PLCB1: variants seen among roughly 807,000 people sequenced by gnomAD.
The protein encoded by PLCB1 is 1-phosphatidylinositol 4,5-bisphosphate phosphodiesterase beta-1.
A neutral mutation model predicts 161.8 loss-of-function variants in PLCB1; 46 were observed. The observed-to-expected ratio is 0.28, with a 90% CI of 0.22 to 0.36. The LOEUF (loss-of-function observed/expected upper bound fraction) is 0.36, where lower values mean the gene tolerates loss of function less well. Among genes scored for constraint, PLCB1 ranks in the 10% least tolerant of loss-of-function variants. The pLI, the probability that PLCB1 is intolerant of heterozygous loss-of-function variation, is 1.00. For missense variants in PLCB1, 1,016 were observed against 1,472.5 expected, an observed-to-expected ratio of 0.69 and a Z score of 5.07; for synonymous variants, 517 against 503.7, an observed-to-expected ratio of 1.03 and a Z score of -0.35.
intron 3 of PLCB1, among the ~76,000 whole-genome samples, chr20:8,404,286 T>C (rs958084228): frequency 9.9e-5 from 15 of 152,250 alleles, no homozygotes; most frequent in African/African-American, 3.6e-4. Flanking sequence ...CAAAGCCATT[T>C]TTCCTCAGTT....
chr20:8,648,951 A>AAAG (rs1172270784), intron 6 of PLCB1, among the ~76,000 whole-genome samples: 2 of 150,876 alleles, frequency 1.3e-5, no homozygotes, highest in South Asian at 2.1e-4. Context: ...TAAAAAAAAA[A>AAAG]AAAGAAAGAA....
At chr20:8,387,984 A>T (rs997490315) in intron 3 of PLCB1, among the ~76,000 whole-genome samples, 3 of 151,066 alleles carry the variant, frequency 2.0e-5, no homozygotes, top group African/African-American at 7.3e-5. Context: ...TTTTAAAAAA[A>T]AAAAAAAAAA....
Position 8,883,868 on chromosome 20 carries a change from G to A in PLCB1, c.*2019G>A, listed in dbSNP as rs1009626644. ...TACTTTTGCACTTTGAAAGAAAGGC[G>A]TTAATCATAAAGAAGCAAGAATGGT... On this transcript the variant is annotated 3_prime_UTR_variant, in exon 32 of 32. Transcript: ENST00000338037. The A allele has an allele frequency of 2.6e-5, 4 of 152,432 alleles. No homozygotes were observed. Among genetic ancestry groups the A allele is most frequent in the South Asian group, 2.1e-4 (1 of 4,818 alleles). 9.4% of individuals were successfully genotyped at this position (152,432 alleles called of 1,614,324 possible). A position where few individuals can be genotyped will look rare whatever the true frequency, so the allele number is the denominator to read the frequency against.
At chr20:8,437,782 A>G (rs536501291) in intron 3 of PLCB1, among the ~76,000 whole-genome samples, 1 of 152,346 alleles carries the variant, frequency 6.6e-6, no homozygotes, top group Non-Finnish European at 1.5e-5. Flanking sequence ...CAAGACAGTG[A>G]GCAAGGAAGT....
At position 8,186,277 on chromosome 20, in the gene PLCB1, A is replaced by C. The variant is rs138981291; in HGVS notation, c.177+35906A>C. Among the ~76,000 whole-genome samples, 188 of 152,300 alleles carry C rather than the reference A, an allele frequency of 1.2e-3. 2 individuals are homozygous for C. The East Asian group carries it at 0.021, about 17-fold the overall frequency. On this transcript the variant is annotated intron_variant, in intron 2 of 31. Transcript: ENST00000338037. ...TTACATCTGGAGAGATATAATTCAA[A>C]ATTTTCTCTATGTGATTATTTATAC...
At chr20:8,555,671 G>T (rs552865781) in intron 3 of PLCB1, among the ~76,000 whole-genome samples, 1 of 152,070 alleles carries the variant, frequency 6.6e-6, no homozygotes, top group Non-Finnish European at 1.5e-5. Context: ...TTGTGTTAAT[G>T]ATAAGGTAAA....
chr20:8,397,807 T>C (rs922215355), intron 3 of PLCB1, among the ~76,000 whole-genome samples: 84 of 152,182 alleles, frequency 5.5e-4, no homozygotes, highest in African/African-American at 1.9e-3. Context: ...CATTCTTTTG[T>C]ACAGCTGCAT....
chr20:8,330,867 T>C (rs559946263), intron 2 of PLCB1, among the ~76,000 whole-genome samples: 1 of 152,294 alleles, frequency 6.6e-6, no homozygotes, highest in East Asian at 1.9e-4. Context: ...CAATGAACTA[T>C]GAAGGAGGGA....
At chr20:8,757,865 G>A (rs200604703) in intron 24 of PLCB1, among the ~76,000 whole-genome samples, 1 of 148,752 alleles carries the variant, frequency 6.7e-6, no homozygotes, top group African/African-American at 2.5e-5. Flanking sequence ...ATGAATAAAT[G>A]AATAAATAAA....
At chr20:8,468,566 C>G (rs1297570955) in intron 3 of PLCB1, among the ~76,000 whole-genome samples, 1 of 152,160 alleles carries the variant, frequency 6.6e-6, no homozygotes, top group Non-Finnish European at 1.5e-5. Context: ...ATACCTGCCA[C>G]AATACATGCA....
chr20:8,758,378 C>A (rs6118308), intron 24 of PLCB1, among the ~76,000 whole-genome samples: 39,954 of 151,872 alleles, frequency 0.26, 5,598 homozygotes, highest in Non-Finnish European at 0.32. Flanking sequence ...GTCAGCAGTT[C>A]AGGACCAACC....
chr20:8,236,438 C>T (rs558347047), intron 2 of PLCB1, among the ~76,000 whole-genome samples: 226 of 151,978 alleles, frequency 1.5e-3, no homozygotes, highest in African/African-American at 5.4e-3. Context: ...GAGGCTAAGG[C>T]GGGAGGATCG....
At chr20:8,410,377 TA>T (rs1978989694) in intron 3 of PLCB1, among the ~76,000 whole-genome samples, 1 of 152,206 alleles carries the variant, frequency 6.6e-6, no homozygotes, top group South Asian at 2.1e-4. Flanking sequence ...ACATTCCTAT[TA>T]AGAGTACAAG....
chr20:8,436,470 A>G (rs1980316272), intron 3 of PLCB1, among the ~76,000 whole-genome samples: 1 of 150,042 alleles, frequency 6.7e-6, no homozygotes, highest in Non-Finnish European at 1.5e-5. Context: ...CTTCAGGTTT[A>G]TCCTTTTATG....
At chr20:8,432,698 A>G (rs1234796250) in intron 3 of PLCB1, among the ~76,000 whole-genome samples, 1 of 152,134 alleles carries the variant, frequency 6.6e-6, no homozygotes, top group Non-Finnish European at 1.5e-5. Flanking sequence ...TTTCTTCAGG[A>G]TCAAAGCGAC....
chr20:8,164,288 T>G (rs1218577601), intron 2 of PLCB1, among the ~76,000 whole-genome samples: 1 of 152,166 alleles, frequency 6.6e-6, no homozygotes, highest in Non-Finnish European at 1.5e-5. Context: ...CTTGGTTGAA[T>G]GAATGGGATT....
intron 2 of PLCB1, among the ~76,000 whole-genome samples, chr20:8,360,954 G>T (rs1384429293): frequency 6.6e-6 from 1 of 152,138 alleles, no homozygotes; most frequent in Non-Finnish European, 1.5e-5. Flanking sequence ...TAACCAATCA[G>T]CTACTAAGGT....
chr20:8,189,140 T>A (rs891770425), intron 2 of PLCB1, among the ~76,000 whole-genome samples: 2 of 151,904 alleles, frequency 1.3e-5, no homozygotes, highest in East Asian at 1.9e-4. Flanking sequence ...ATCTTTTTTT[T>A]CTGTGTCTGT....
chr20:8,282,464 T>G (rs1338452293), intron 2 of PLCB1, among the ~76,000 whole-genome samples: 1 of 152,220 alleles, frequency 6.6e-6, no homozygotes, highest in East Asian at 1.9e-4. Context: ...AATAAAGGAA[T>G]ATAACCAACT....
Sources: gnomAD v4.1 joint callset for allele counts (sites outside exome capture counted in the v4.1 genomes callset) on GRCh38, gnomAD v4.1.1 for gene constraint, MANE v1.5 for transcripts, NCBI Gene and HGNC (gene_info 2026-07-23, HGNC 2026-07-21) for gene names.